The following RFX8 variants were observed in gnomAD, a reference collection of about 807,000 sequenced individuals.
RFX8 encodes DNA-binding protein RFX8.
A neutral mutation model predicts 54.6 loss-of-function variants in RFX8; 46 were observed. The ratio of observed to expected loss-of-function variants is 0.84; its 90% CI spans 0.67 to 1.08. The LOEUF is 1.08. RFX8 is among the 50% of genes least tolerant of loss of function. RFX8 has a pLI of 0.00. For missense variants in RFX8, 536 were observed against 562.3 expected (o/e 0.95, Z 0.47); for synonymous variants, 192 against 209.5 (o/e 0.92, Z 0.72).
At chr2:101,399,486 G>T (rs7571125) in intron 11 of RFX8, among the ~76,000 whole-genome samples, 148,617 of 152,304 alleles carry the variant, frequency 0.98, 72,665 homozygotes, top group Middle Eastern at 1. Context: ...AATTAAGTAT[G>T]TAATATCTTC....
intron 2 of RFX8, among the ~76,000 whole-genome samples, chr2:101,454,988 G>C (rs1688887340): frequency 6.6e-6 from 1 of 151,068 alleles, no homozygotes; most frequent in African/African-American, 2.4e-5. Context: ...TATGTCCTGA[G>C]TGGTATTGCC....
rs1005954256 is a variant in RFX8 at position 101,397,456 on chromosome 2, A to T, written c.*92T>A. The T allele has an allele frequency of 7.5e-6, 6 of 805,276 alleles. No individual in the cohort carries two copies. The African/African-American group carries it at 1.0e-4, about 14-fold the overall frequency. 49.9% of individuals were successfully genotyped at this position (805,276 alleles called of 1,614,324 possible). On this transcript the variant is annotated 3_prime_UTR_variant, in exon 12 of 12. Transcript: ENST00000428343. ...ATGCTACATCTATTATATACATAAC[A>T]TCATCTTTCGTCAATAGAAAAACTT...
intron 2 of RFX8, among the ~76,000 whole-genome samples, chr2:101,425,577 A>G (rs996632350): frequency 2.6e-5 from 4 of 152,196 alleles, no homozygotes; most frequent in Non-Finnish European, 5.9e-5. Flanking sequence ...TTACAAGGAG[A>G]ATATAAAAGT....
chr2:101,440,500 C>T (rs1022631498), intron 2 of RFX8, among the ~76,000 whole-genome samples: 2 of 152,188 alleles, frequency 1.3e-5, no homozygotes, highest in African/African-American at 4.8e-5. Context: ...AACGGGCTTC[C>T]CTGGGAAGAA....
Position 101,414,866 on chromosome 2 carries a change from G to A in RFX8, c.549C>T (p.Ser183=). The stretch of plus-strand genomic sequence containing the variant: ...GGCTGAAGCCTACCTTAGCCATGTT[G>A]GAAAGGTACGTCTTTCTTCTTAGTC... The part of the protein sequence containing the change: ...VKRLRRKTYL[S]NMAKTMRMVL... The change falls in exon 7 of 12, where the codon TCC becomes TCT. Residue 183 remains serine (S), a synonymous_variant. Transcript: ENST00000428343. The A allele has an allele frequency of 2.6e-6, 4 of 1,550,294 alleles. No individual in the cohort carries two copies. The highest frequency in any genetic ancestry group is 3.5e-6 in the Non-Finnish European group (4 of 1,146,246).
At chr2:101,460,338 G>A (rs1241856756) in intron 2 of RFX8, among the ~76,000 whole-genome samples, 2 of 152,184 alleles carry the variant, frequency 1.3e-5, no homozygotes, top group Non-Finnish European at 2.9e-5. Context: ...ATCTCACTGA[G>A]AGCTGCAGAT....
chr2:101,408,419 AG>A (rs1685883409), intron 9 of RFX8, among the ~76,000 whole-genome samples: 1 of 151,648 alleles, frequency 6.6e-6, no homozygotes, highest in African/African-American at 2.4e-5. Flanking sequence ...CTGGGGGCGG[AG>A]CCTGCAGTGA....
At chr2:101,421,650 A>G in intron 4 of RFX8, 74 bp downstream of exon 4, 11 of 1,502,598 alleles carry the variant, frequency 7.3e-6, no homozygotes, top group Non-Finnish European at 9.8e-6. Flanking sequence ...TCAAATAAAA[A>G]TGATTAATAA....
chr2:101,440,791 C>G (rs1017323402), intron 2 of RFX8, among the ~76,000 whole-genome samples: 1 of 152,202 alleles, frequency 6.6e-6, no homozygotes, highest in South Asian at 2.1e-4. Flanking sequence ...CTAGAATAAC[C>G]TGAATTCACT....
At chr2:101,425,462 G>A (rs1009280652) in intron 2 of RFX8, among the ~76,000 whole-genome samples, 4 of 152,106 alleles carry the variant, frequency 2.6e-5, no homozygotes, top group African/African-American at 7.2e-5. Flanking sequence ...GTTCTTTATC[G>A]AATGCTACAG....
At chr2:101,419,970 G>A (rs1686767791) in intron 4 of RFX8, among the ~76,000 whole-genome samples, 1 of 152,192 alleles carries the variant, frequency 6.6e-6, no homozygotes, top group Non-Finnish European at 1.5e-5. Context: ...CCGCGTCCAA[G>A]TCACCAAACC....
rs1010784324 is a variant in RFX8 at position 101,428,895 on chromosome 2, G to A, written c.73-6423C>T. On this transcript the variant is annotated intron_variant, in intron 2 of 11. Transcript: ENST00000428343. ...CAGAAAAACAGCTGGATCGAATTAAGCAATCACTGGTATTGCTAGGTCTGG... is the reference window on the plus strand; with the variant it reads ...CAGAAAAACAGCTGGATCGAATTAAACAATCACTGGTATTGCTAGGTCTGG... The A allele has an allele frequency of 4.0e-6, 4 of 1,003,604 alleles. No homozygotes were observed. In the African/African-American group the frequency reaches 4.8e-5, roughly 12 times the overall value. The allele number at this position is 1,003,604 out of a possible 1,614,324, so 62.2% of individuals were successfully genotyped here.
At chr2:101,408,346 G>A (rs1452492559) in intron 9 of RFX8, among the ~76,000 whole-genome samples, 1 of 152,248 alleles carries the variant, frequency 6.6e-6, no homozygotes, top group East Asian at 1.9e-4. Context: ...TTAGCTGGGC[G>A]AGGTGGCGGG....
chr2:101,408,576 T>C (rs1405660903), intron 9 of RFX8, among the ~76,000 whole-genome samples: 2 of 152,120 alleles, frequency 1.3e-5, no homozygotes, highest in African/African-American at 2.4e-5. Flanking sequence ...GGATGTATAA[T>C]ATAAGCCTTC....
rs530952359 is a variant in RFX8 at position 101,469,520 on chromosome 2, A to G, written c.-52-2620T>C. On this transcript the variant is annotated intron_variant, in intron 1 of 11. Coordinates refer to ENST00000428343, the MANE Select transcript of RFX8 (RefSeq NM_001145664.2). ...ACTCACTATTGGAAGTTATCACAGAAAAATGTTGGCTAAATCCGGGAAACT... is the reference window on the plus strand; with the variant it reads ...ACTCACTATTGGAAGTTATCACAGAGAAATGTTGGCTAAATCCGGGAAACT... Among the ~76,000 whole-genome samples, 135 of 152,230 alleles carry G rather than the reference A, an allele frequency of 8.9e-4. 2 individuals are homozygous for G. Among genetic ancestry groups the G allele is most frequent in the African/African-American group, 3.0e-3 (126 of 41,524 alleles).
At chr2:101,441,434 T>C (rs897249808) in intron 2 of RFX8, among the ~76,000 whole-genome samples, 5 of 152,188 alleles carry the variant, frequency 3.3e-5, no homozygotes, top group African/African-American at 1.2e-4. Context: ...GGAAGAGACC[T>C]GAGCCAGCAC....
In RFX8 at chr2:101,469,059, T is replaced by C. The variant is rs1689776126; in HGVS notation, c.-52-2159A>G. On this transcript the variant is annotated intron_variant, in intron 1 of 11. Transcript: ENST00000428343. ...ATATATATGTATATATATATACGTATATATATGTATATATATATAAGTGTA... is the reference window on the plus strand; with the variant it reads ...ATATATATGTATATATATATACGTACATATATGTATATATATATAAGTGTA... Among the ~76,000 whole-genome samples, 2 of 17,138 alleles carry C rather than the reference T, an allele frequency of 1.2e-4. 1 individual carries two copies. Among genetic ancestry groups the C allele is most frequent in the Non-Finnish European group, 2.2e-4 (2 of 9,270 alleles). 11.2% of individuals were successfully genotyped at this position (17,138 alleles called of 152,430 possible). A position where few individuals can be genotyped will look rare whatever the true frequency, so the allele number is the denominator to read the frequency against.
At chr2:101,434,148 A>G (rs1267202320) in intron 2 of RFX8, among the ~76,000 whole-genome samples, 1 of 152,360 alleles carries the variant, frequency 6.6e-6, no homozygotes, top group Non-Finnish European at 1.5e-5. Flanking sequence ...GAATTCACAG[A>G]GCTGGAGACC....
intron 9 of RFX8, among the ~76,000 whole-genome samples, chr2:101,410,008 A>G (rs569886520): frequency 6.6e-6 from 1 of 152,196 alleles, no homozygotes; most frequent in South Asian, 2.1e-4. Context: ...CAACGAAACC[A>G]TCTTTGGGCT....
Sources: gnomAD v4.1 joint callset for allele counts (sites outside exome capture counted in the v4.1 genomes callset) on GRCh38, gnomAD v4.1.1 for gene constraint, MANE v1.5 for transcripts, NCBI Gene and HGNC (gene_info 2026-07-23, HGNC 2026-07-21) for gene names.